Variants in NRBP2 observed in about 807,000 individuals in gnomAD.
NRBP2 encodes the protein nuclear receptor binding protein 2, also known as nuclear receptor-binding protein 2.
In NRBP2, 47 loss-of-function variants were observed where a neutral mutation model predicts 74.4. The ratio of observed to expected loss-of-function variants is 0.63; its 90% CI spans 0.50 to 0.81. The LOEUF is 0.81. Ranked by LOEUF, NRBP2 falls within the 30% of genes least tolerant of loss-of-function variation. NRBP2 has a pLI of 0.00. For synonymous variants in NRBP2, 312 were observed against 273.8 expected (o/e 1.14, Z -1.38); for missense variants, 613 against 690.1 (o/e 0.89, Z 1.25).
chr8:143,836,479 G>A (rs1428932713), intron 14 of NRBP2, among the ~76,000 whole-genome samples: 2 of 151,998 alleles, frequency 1.3e-5, no homozygotes, highest in Non-Finnish European at 2.9e-5. Flanking sequence ...AGTGCACGGT[G>A]CCTGCGGGAT....
At chr8:143,830,775 TAAAG>T (rs1487791257), downstream of NRBP2, among the ~76,000 whole-genome samples, 9 of 151,936 alleles carry the variant, frequency 5.9e-5, no homozygotes, top group Non-Finnish European at 1.2e-4. Flanking sequence ...ACAGAGACGA[TAAAG>T]GAAGCCGAAG....
At position 143,837,263 on chromosome 8, in the gene NRBP2, G is replaced by A. The variant is rs138709296; in HGVS notation, c.1113C>T (p.Phe371=). The A allele has an allele frequency of 9.3e-6, 15 of 1,612,030 alleles. No homozygotes were observed. In the African/African-American group the frequency reaches 1.9e-4, roughly 20 times the overall value. The part of the protein sequence containing the change: ...SEVSFMELDK[F]LEDVRNGIYP... ...TCAGTTCTCACCTGACATCCTCCAG[G>A]AATTTGTCCAGCTCCATGAAGGAGA... is the stretch of plus-strand genomic sequence containing the variant. Residue 371 remains phenylalanine, a synonymous_variant, in exon 13 of 18, where the codon TTC becomes TTT. Coordinates refer to ENST00000442628, the MANE Select transcript of NRBP2 (RefSeq NM_178564.4). The surrounding 1 kb of genome is among the most constrained non-coding windows in gnomAD (Gnocchi z 4.3).
In NRBP2 at chr8:143,837,007, G is replaced by A; in HGVS notation, c.1263+32C>T. Reference sequence around the variant, plus strand: ...TATCTGGCTGTTAGAAGGTCTGAGGGATGGCACTGAGCAGCAGGAGAGGGG... The same window carrying A: ...TATCTGGCTGTTAGAAGGTCTGAGGAATGGCACTGAGCAGCAGGAGAGGGG... On this transcript the variant is annotated intron_variant, in intron 14 of 17. Coordinates refer to ENST00000442628, the MANE Select transcript of NRBP2 (RefSeq NM_178564.4). This position sits in a 1 kb window ranked among gnomAD's most constrained non-coding sequence, Gnocchi z 4.3. The A allele has an allele frequency of 6.3e-7, 1 of 1,596,672 alleles. No individual in the cohort carries two copies. Among genetic ancestry groups the A allele is most frequent in the Non-Finnish European group, 8.5e-7 (1 of 1,175,278 alleles).
chr8:143,829,895 C>T (rs1246112151), downstream of NRBP2: 4 of 152,282 alleles, frequency 2.6e-5, no homozygotes, highest in African/African-American at 9.6e-5. Context: ...ACCCGCAGCC[C>T]GCAGGCCCCG....
Position 143,837,664 on chromosome 8 carries a change from G to T in NRBP2, c.932C>A (p.Ser311Ter). 6.3e-7 allele frequency: 1 copy of T among 1,595,104 alleles called. No individual in the cohort carries two copies. Among genetic ancestry groups the T allele is most frequent in the Non-Finnish European group, 8.5e-7 (1 of 1,171,014 alleles). ...GCAGTGGGCTGCCAGGAGCTTCAGC[G>T]AGTGCACCTCGAAGAGCACGCGGTG... is the stretch of plus-strand genomic sequence containing the variant. ...LFHRVLFEVH[S>*]LKLLAAHCFI... Residue 311 changes from serine to a stop codon, truncating the protein, a stop_gained, in exon 11 of 18, where the codon TCG (serine) becomes TAG (stop). Transcript: ENST00000442628. LOFTEE classifies it high-confidence loss of function. The surrounding 1 kb of genome is among the most constrained non-coding windows in gnomAD (Gnocchi z 4.3).
rs1554652665 is a variant in NRBP2, at chr8:143,838,910, G to A, written c.717C>T (p.Ile239=). Residue 239 remains isoleucine (I), a synonymous_variant, in exon 9 of 18, where the codon ATC becomes ATT. Transcript: ENST00000442628. ...CCAGCGCACACATCCCAAAGGAGAAGATGTCCACAGCGGTCCCATCGGCCA... is the reference window on the plus strand; with the variant it reads ...CCAGCGCACACATCCCAAAGGAGAAAATGTCCACAGCGGTCCCATCGGCCA... The part of the protein sequence containing the change: ...GEVADGTAVD[I]FSFGMCALEM... 1 of 1,612,204 alleles carries A rather than the reference G, an allele frequency of 6.2e-7. No individual in the cohort carries two copies. Among genetic ancestry groups the A allele is most frequent in the Non-Finnish European group, 8.5e-7 (1 of 1,179,236 alleles).
In NRBP2 at chr8:143,839,156, C is replaced by A. The variant is rs1350098970; in HGVS notation, c.604+16G>T. 1 of 1,520,372 alleles carries A rather than the reference C, an allele frequency of 6.6e-7. No individual in the cohort carries two copies. Among genetic ancestry groups the A allele is most frequent in the East Asian group, 2.5e-5 (1 of 40,658 alleles). 94.2% of individuals were successfully genotyped at this position (1,520,372 alleles called of 1,614,324 possible). ...GGACCTCTCCAGGACCCCGTCCCCC[C>A]AAAGTCCGCACTTACCATTGGAGAA... On this transcript the variant is annotated intron_variant, in intron 7 of 17. Coordinates refer to ENST00000442628, the MANE Select transcript of NRBP2 (RefSeq NM_178564.4). This position sits in a 1 kb window ranked among gnomAD's most constrained non-coding sequence, Gnocchi z 5.1.
Position 143,835,551 on chromosome 8 carries a change from C to T in NRBP2, c.*111G>A, listed in dbSNP as rs558269966. 89 of 929,732 alleles carry T rather than the reference C, an allele frequency of 9.6e-5. 2 individuals are homozygous for T. Among genetic ancestry groups the T allele is most frequent in the South Asian group, 3.2e-4 (20 of 62,584 alleles). The allele number at this position is 929,732 out of a possible 1,614,324, so 57.6% of individuals were successfully genotyped here. On this transcript the variant is annotated 3_prime_UTR_variant, in exon 18 of 18. Transcript: ENST00000442628. This position sits in a 1 kb window ranked among gnomAD's most constrained non-coding sequence, Gnocchi z 4.9. ...CGGGGGGTTCCTTCACTACCGGGGC[C>T]TTTGTGCTCCCAGGCGCATGGAGGA...
At position 143,835,833 on chromosome 8, in the gene NRBP2, C is replaced by T. The variant is rs1488813533; in HGVS notation, c.1424G>A (p.Gly475Asp). The T allele has an allele frequency of 1.9e-6, 3 of 1,601,856 alleles. No homozygotes were observed. The highest frequency in any genetic ancestry group is 2.6e-6 in the Non-Finnish European group (3 of 1,176,198). Residue 475 changes from glycine to aspartate, a missense_variant, in exon 17 of 18, where the codon GGC (glycine) becomes GAC (aspartate). By Grantham distance (94) the Gly-to-Asp change is moderately conservative. Transcript: ENST00000442628. The surrounding 1 kb of genome is among the most constrained non-coding windows in gnomAD (Gnocchi z 4.9). ...CGCCCAGCGCACCTCGTGGAGGAAGCCATAGTGCACGAGCTCCGAGGCGAG... is the reference window on the plus strand; with the variant it reads ...CGCCCAGCGCACCTCGTGGAGGAAGTCATAGTGCACGAGCTCCGAGGCGAG... ...QDLASELVHY[G>D]FLHEDDRMKL...
chr8:143,832,971 A>G (rs950465839), downstream of NRBP2, among the ~76,000 whole-genome samples: 15 of 152,224 alleles, frequency 9.9e-5, no homozygotes, highest in African/African-American at 2.9e-4. Flanking sequence ...ACAAACAGGT[A>G]AAGACTCCAC....
chr8:143,840,358 G>A lies in NRBP2; in HGVS notation c.130-129C>T, dbSNP rs573622909. On this transcript the variant is annotated intron_variant, in intron 1 of 17. Transcript: ENST00000442628. This position sits in a 1 kb window ranked among gnomAD's most constrained non-coding sequence, Gnocchi z 5.7. ...CAGGCCCTGAGCCACTCTGCGGGAA[G>A]GTGGGGCTTGGAGGGTAGCTGCCCC... 56 of 1,288,010 alleles carry A rather than the reference G, an allele frequency of 4.3e-5. No individual in the cohort carries two copies. The highest frequency in any genetic ancestry group is 5.7e-5 in the Non-Finnish European group (54 of 952,368). The allele number at this position is 1,288,010 out of a possible 1,614,324, so 79.8% of individuals were successfully genotyped here.
In NRBP2 at chr8:143,839,402, C is replaced by T. The variant is rs1554652964; in HGVS notation, c.492G>A (p.Leu164=). The change falls in exon 6 of 18, where the codon CTG becomes CTA. Residue 164 remains leucine, a synonymous_variant. Transcript: ENST00000442628. This position sits in a 1 kb window ranked among gnomAD's most constrained non-coding sequence, Gnocchi z 5.1. ...CTQILSALSF[L]HACSPPIIHG... Reference sequence around the variant, plus strand: ...GGATGATTGGGGGGCTGCAGGCGTGCAGGAAGCTGCAGACGTTGGGGAGGG... The same window carrying T: ...GGATGATTGGGGGGCTGCAGGCGTGTAGGAAGCTGCAGACGTTGGGGAGGG... The T allele has an allele frequency of 6.4e-7, 1 of 1,569,308 alleles. No individual in the cohort carries two copies. Among genetic ancestry groups the T allele is most frequent in the Non-Finnish European group, 8.6e-7 (1 of 1,165,644 alleles).
At chr8:143,832,684 A>G (rs973094891), downstream of NRBP2, among the ~76,000 whole-genome samples, 8 of 152,226 alleles carry the variant, frequency 5.3e-5, no homozygotes, top group South Asian at 2.1e-4. Flanking sequence ...CTATGATGCA[A>G]AGACCTTTGT....
rs1554652354 is a variant in NRBP2, at chr8:143,837,760, G to A, written c.841-5C>T. ...CAGGCAGCAAAGGATGAACTCCTGG[G>A]GCACAGGGAGGAGAGGCTGGTGGTG... On this transcript the variant is annotated splice_polypyrimidine_tract_variant and splice_region_variant and intron_variant, in intron 10 of 17. Coordinates refer to ENST00000442628, the MANE Select transcript of NRBP2 (RefSeq NM_178564.4). This position sits in a 1 kb window ranked among gnomAD's most constrained non-coding sequence, Gnocchi z 4.3. The A allele has an allele frequency of 4.5e-6, 7 of 1,558,042 alleles. No homozygotes were observed. The East Asian group carries it at 1.4e-4, about 32-fold the overall frequency.
chr8:143,837,294 G>A lies in NRBP2; in HGVS notation c.1082C>T (p.Ser361Leu), dbSNP rs559644082. 13 of 1,609,896 alleles carry A rather than the reference G, an allele frequency of 8.1e-6. No individual in the cohort carries two copies. The highest frequency in any genetic ancestry group is 4.0e-5 in the African/African-American group (3 of 74,580). ...PRRPPLQWRY[S>L]EVSFMELDKF... Reference sequence around the variant, plus strand: ...GTCCAGCTCCATGAAGGAGACTTCCGAGTACCTGGCATGGAAGTGGGAGGC... The same window carrying A: ...GTCCAGCTCCATGAAGGAGACTTCCAAGTACCTGGCATGGAAGTGGGAGGC... The change falls in exon 13 of 18, where the codon TCG (serine) becomes TTG (leucine). Residue 361 changes from serine (S) to leucine (L), a missense_variant. Ser to Leu is a moderately radical substitution (Grantham distance 145). Transcript: ENST00000442628. The surrounding 1 kb of genome is among the most constrained non-coding windows in gnomAD (Gnocchi z 4.3).
In NRBP2 at chr8:143,837,227, C is replaced by T. The variant is rs782045687; in HGVS notation, c.1127+22G>A. The T allele has an allele frequency of 6.2e-7, 1 of 1,613,904 alleles. No individual in the cohort carries two copies. The highest frequency in any genetic ancestry group is 8.5e-7 in the Non-Finnish European group (1 of 1,179,978). ...TTCAGGCCTGACAGCTGCCTGGCCC[C>T]CAACCTTACATCAGTTCTCACCTGA... On this transcript the variant is annotated intron_variant, in intron 13 of 17. Transcript: ENST00000442628. This position sits in a 1 kb window ranked among gnomAD's most constrained non-coding sequence, Gnocchi z 4.3.
At position 143,835,088 on chromosome 8, in the gene NRBP2, C is replaced by A; in HGVS notation, c.*574G>T. On this transcript the variant is annotated 3_prime_UTR_variant, in exon 18 of 18. Transcript: ENST00000442628. The surrounding 1 kb of genome is among the most constrained non-coding windows in gnomAD (Gnocchi z 4.9). ...GTGGGACCAGGGGCTTTGCTGACAA[C>A]AGCCTCAACTCCAGACCTCTCTGTG... 6.4e-6 allele frequency: 1 copy of A among 156,174 alleles called. No homozygotes were observed. Among genetic ancestry groups the A allele is most frequent in the Non-Finnish European group, 1.4e-5 (1 of 70,550 alleles). 9.7% of individuals were successfully genotyped at this position (156,174 alleles called of 1,614,324 possible).
At position 143,837,891 on chromosome 8, in the gene NRBP2, A is replaced by T. The variant is rs1254664477; in HGVS notation, c.841-136T>A. On this transcript the variant is annotated intron_variant, in intron 10 of 17. Coordinates refer to ENST00000442628, the MANE Select transcript of NRBP2 (RefSeq NM_178564.4). This position sits in a 1 kb window ranked among gnomAD's most constrained non-coding sequence, Gnocchi z 4.3. ...AGGACATGCAGGGATGCCCATAGGG[A>T]GGAGTCCCAGCAGCAGCAGCCAGGC... 3.6e-6 allele frequency: 4 copies of T among 1,103,608 alleles called. No homozygotes were observed. The African/African-American group carries it at 6.2e-5, about 17-fold the overall frequency. The allele number at this position is 1,103,608 out of a possible 1,614,324, so 68.4% of individuals were successfully genotyped here.
downstream of NRBP2, among the ~76,000 whole-genome samples, chr8:143,830,772 C>T (rs978141955): frequency 1.3e-5 from 2 of 152,002 alleles, no homozygotes; most frequent in South Asian, 2.1e-4. Flanking sequence ...GAAACAGAGA[C>T]GATAAAGGAA....
Sources: allele counts gnomAD v4.1 joint callset (sites outside exome capture counted in the v4.1 genomes callset), GRCh38; gene constraint gnomAD v4.1.1; non-coding constraint Gnocchi (gnomAD v3.1); transcripts MANE v1.5; gene names NCBI Gene and HGNC (gene_info 2026-07-23, HGNC 2026-07-21).